The following TMEM181 variants were observed in gnomAD, a reference collection of about 807,000 sequenced individuals.
The protein encoded by TMEM181 is G protein-coupled receptor 178.
A neutral mutation model predicts 71.9 loss-of-function variants in TMEM181; 39 were observed. The observed-to-expected ratio is 0.54, with a 90% CI of 0.42 to 0.71. The LOEUF is 0.71. Ranked by LOEUF, TMEM181 falls within the 30% of genes least tolerant of loss-of-function variation. The probability of loss-of-function intolerance (pLI) is 0.00; values close to 1 mark genes in which losing one functional copy is unlikely to be tolerated. For missense variants in TMEM181, 595 were observed against 583.0 expected (o/e 1.02, Z -0.21); for synonymous variants, 245 against 228.8 (o/e 1.07, Z -0.64).
At chr6:158,542,033 G>A (rs552462282) in intron 1 of TMEM181, among the ~76,000 whole-genome samples, 1 of 149,020 alleles carries the variant, frequency 6.7e-6, no homozygotes, top group South Asian at 2.1e-4. Flanking sequence ...AGCCTCCCAA[G>A]TAGCTGAGAT....
chr6:158,613,645 G>A (rs1039133582), intron 10 of TMEM181, among the ~76,000 whole-genome samples: 16 of 152,266 alleles, frequency 1.1e-4, no homozygotes, highest in Admixed American at 5.2e-4. Flanking sequence ...AGTCAAGTTC[G>A]ATTCCTTAAA....
chr6:158,627,123 A>C (rs1786355233), intron 13 of TMEM181, among the ~76,000 whole-genome samples: 1 of 132,582 alleles, frequency 7.5e-6, no homozygotes, highest in African/African-American at 2.9e-5. Context: ...ACACCCTCAC[A>C]CACCCTTGCT....
At chr6:158,548,637 C>T (rs1246046187) in intron 1 of TMEM181, among the ~76,000 whole-genome samples, 2 of 152,138 alleles carry the variant, frequency 1.3e-5, no homozygotes, top group African/African-American at 4.8e-5. Flanking sequence ...TCCTCATTCT[C>T]TAAACAATGA....
chr6:158,537,952 A>G (rs1180668774), intron 1 of TMEM181, among the ~76,000 whole-genome samples: 1 of 152,160 alleles, frequency 6.6e-6, no homozygotes, highest in Non-Finnish European at 1.5e-5. Context: ...CTGAGTGAAA[A>G]AGCCCATTTT....
At chr6:158,584,210 C>T (rs1002236796) in intron 4 of TMEM181, among the ~76,000 whole-genome samples, 166 bp downstream of exon 4, 3 of 152,230 alleles carry the variant, frequency 2.0e-5, no homozygotes, top group African/African-American at 7.2e-5. Context: ...TAAATGTCTT[C>T]CAGTGGGAGA....
chr6:158,556,785 T>G (rs1309448126), upstream of TMEM181, among the ~76,000 whole-genome samples: 1 of 151,778 alleles, frequency 6.6e-6, no homozygotes, highest in Non-Finnish European at 1.5e-5. Context: ...TTTTTTGAGA[T>G]GGAGTCTCGC....
At chr6:158,585,535 GTTC>G (rs780484250) in intron 5 of TMEM181, 110 bp downstream of exon 5, 2 of 1,276,778 alleles carry the variant, frequency 1.6e-6, no homozygotes, top group Non-Finnish European at 2.0e-6. Flanking sequence ...TCGAGAAATT[GTTC>G]TTAAGTGAAA....
chr6:158,604,848 C>T (rs1242487175), intron 6 of TMEM181, among the ~76,000 whole-genome samples: 1 of 152,140 alleles, frequency 6.6e-6, no homozygotes, highest in Non-Finnish European at 1.5e-5. Context: ...CATGTAACAA[C>T]ATTTGAAATT....
rs547257747 is a variant in TMEM181 at position 158,598,826 on chromosome 6, A to T, written c.493-6441A>T. ...GTAGCTGGGACTACAGGCGCCCGCC[A>T]TCACGCCCAGATAATTTTTTGTATT... On this transcript the variant is annotated intron_variant, in intron 6 of 16. Transcript: ENST00000684151. Among the ~76,000 whole-genome samples, 379 of 152,092 alleles carry T rather than the reference A, an allele frequency of 2.5e-3. 3 individuals carry two copies. The highest frequency in any genetic ancestry group is 8.3e-3 in the African/African-American group (346 of 41,506).
intron 1 of TMEM181, among the ~76,000 whole-genome samples, chr6:158,569,216 C>T (rs1163881778): frequency 6.6e-6 from 1 of 152,224 alleles, no homozygotes; most frequent in Non-Finnish European, 1.5e-5. Flanking sequence ...GCAGAATTAT[C>T]CTGTCCTGGG....
At chr6:158,628,262 G>T (rs748386942) in intron 13 of TMEM181, 146 bp from the exon 14 acceptor site, 1 of 745,284 alleles carries the variant, frequency 1.3e-6, no homozygotes, top group South Asian at 1.5e-5. Context: ...ATCTGTGCGT[G>T]CATCTGTGCA....
chr6:158,628,366 G>A (rs567346223), intron 13 of TMEM181, 42 bp from the exon 14 acceptor site: 17 of 1,594,990 alleles, frequency 1.1e-5, no homozygotes, highest in East Asian at 4.5e-5. Flanking sequence ...TGCCGTTTTC[G>A]TGCATGTTTA....
At position 158,617,120 on chromosome 6, in the gene TMEM181, T is replaced by A. The variant is rs911091432; in HGVS notation, c.897-6430T>A. On this transcript the variant is annotated intron_variant, in intron 10 of 16. Transcript: ENST00000684151. ...TGTGAATCCGTCTGGTCCTGGACTTTTTTTCGTTGGTAAGCTATTAATTAT... is the reference window on the plus strand; with the variant it reads ...TGTGAATCCGTCTGGTCCTGGACTTATTTTCGTTGGTAAGCTATTAATTAT... Among the ~76,000 whole-genome samples, 5 of 152,222 alleles carry A rather than the reference T, an allele frequency of 3.3e-5. No individual in the cohort carries two copies. The South Asian group carries it at 1.0e-3, about 32-fold the overall frequency.
chr6:158,557,504 A>AATTATTTATTT (rs1562618217), upstream of TMEM181, among the ~76,000 whole-genome samples: 2 of 140,128 alleles, frequency 1.4e-5, no homozygotes, highest in African/African-American at 5.5e-5. Context: ...TCACAGCTGT[A>AATTATTTATTT]ATTATTTATT....
chr6:158,627,758 C>T (rs1006819237), intron 13 of TMEM181, among the ~76,000 whole-genome samples: 5 of 152,118 alleles, frequency 3.3e-5, no homozygotes, highest in African/African-American at 4.8e-5. Context: ...GCTGGGAGAC[C>T]GCCAGAGGGT....
chr6:158,547,656 TAAC>T (rs1400649984), intron 1 of TMEM181, among the ~76,000 whole-genome samples: 3 of 152,008 alleles, frequency 2.0e-5, no homozygotes, highest in Non-Finnish European at 4.4e-5. Flanking sequence ...CCAGACTTTG[TAAC>T]AACGATTCCA....
chr6:158,615,601 G>C (rs1334137737), intron 10 of TMEM181, among the ~76,000 whole-genome samples: 1 of 152,078 alleles, frequency 6.6e-6, no homozygotes, highest in Non-Finnish European at 1.5e-5. Context: ...TTTCTTCTAG[G>C]GTTTTTATGG....
Position 158,634,186 on chromosome 6 carries a change from A to G in TMEM181, c.*2298A>G, listed in dbSNP as rs1371363062. On this transcript the variant is annotated 3_prime_UTR_variant, in exon 17 of 17. Coordinates refer to ENST00000684151, the MANE Select transcript of TMEM181 (RefSeq NM_001376852.1). Reference sequence around the variant, plus strand: ...AAGTTAGAAAGTACTTAAGGGGAAAATCGTTCTTACTAAGTCATGTATTTT... The same window carrying G: ...AAGTTAGAAAGTACTTAAGGGGAAAGTCGTTCTTACTAAGTCATGTATTTT... 1 of 152,212 alleles carries G rather than the reference A, an allele frequency of 6.6e-6. No homozygotes were observed. The highest frequency in any genetic ancestry group is 1.5e-5 in the Non-Finnish European group (1 of 68,036). 9.4% of individuals were successfully genotyped at this position (152,212 alleles called of 1,614,324 possible).
rs550417371 is a variant in TMEM181, at chr6:158,620,803, A to G, written c.897-2747A>G. Among the ~76,000 whole-genome samples, 1 of 152,336 alleles carries G rather than the reference A, an allele frequency of 6.6e-6. No individual in the cohort carries two copies. The highest frequency in any genetic ancestry group is 2.4e-5 in the African/African-American group (1 of 41,574). On this transcript the variant is annotated intron_variant, in intron 10 of 16. Coordinates refer to ENST00000684151, the MANE Select transcript of TMEM181 (RefSeq NM_001376852.1). This position sits in a 1 kb window ranked among gnomAD's most constrained non-coding sequence, Gnocchi z 4.5. The stretch of plus-strand genomic sequence containing the variant: ...GGTTGCAAGAGAGCCTCTGTCCCCA[A>G]CATCTGTCCCGGGTTTCAGCACCAA...
Sources: gnomAD v4.1 joint callset for allele counts (sites outside exome capture counted in the v4.1 genomes callset) on GRCh38, gnomAD v4.1.1 for gene constraint, Gnocchi (gnomAD v3.1) non-coding constraint, MANE v1.5 for transcripts, NCBI Gene and HGNC (gene_info 2026-07-23, HGNC 2026-07-21) for gene names.